Variants in EXT2 observed in about 807,000 individuals in gnomAD.
EXT2 encodes the protein exostosin glycosyltransferase 2, also known as exostosin-2.
EXT2 carries 53 observed loss-of-function variants against 81.6 expected under a neutral mutation model. That is an observed-to-expected ratio of 0.65 (90% CI 0.52 to 0.82). The LOEUF is 0.82. EXT2 is among the 40% of genes least tolerant of loss of function. The pLI is 0.00. For synonymous variants in EXT2, 320 were observed against 340.0 expected (o/e 0.94, Z 0.65); for missense variants, 774 against 910.2 (o/e 0.85, Z 1.93).
intron 9 of EXT2, among the ~76,000 whole-genome samples, chr11:44,203,969 ACT>A (rs1955551773): frequency 6.6e-6 from 1 of 152,220 alleles, no homozygotes; most frequent in South Asian, 2.1e-4. Context: ...TAAGTGGCAC[ACT>A]TAGTTTCTTT....
chr11:44,232,255 T>G, intron 10 of EXT2, 98 bp from the exon 11 acceptor site: 1 of 1,509,686 alleles, frequency 6.6e-7, no homozygotes, highest in South Asian at 1.1e-5. Context: ...TATGATGGTT[T>G]GAACCTAGGA....
intron 4 of EXT2, among the ~76,000 whole-genome samples, chr11:44,115,609 A>T (rs979844797): frequency 2.6e-5 from 4 of 152,228 alleles, no homozygotes; most frequent in African/African-American, 4.8e-5. Flanking sequence ...ATAAATTTTG[A>T]CACTAAAAAT....
intron 11 of EXT2, among the ~76,000 whole-genome samples, chr11:44,232,917 T>A (rs376105671): frequency 1.0e-3 from 157 of 152,344 alleles, no homozygotes; most frequent in African/African-American, 3.6e-3. Flanking sequence ...GATACCATTA[T>A]CTTAATGTTT....
intron 1 of EXT2, among the ~76,000 whole-genome samples, chr11:44,098,521 C>T (rs987434536): frequency 4.6e-5 from 7 of 151,736 alleles, no homozygotes; most frequent in East Asian, 1.9e-4. Flanking sequence ...GGCAAAACTC[C>T]GTCTCTACTA....
At chr11:44,147,775 C>CTTTTTTT (rs66961451) in intron 7 of EXT2, among the ~76,000 whole-genome samples, 2,412 of 103,282 alleles carry the variant, frequency 0.023, 174 homozygotes, top group African/African-American at 0.091. Context: ...TCCACATTGT[C>CTTTTTTT]TTTTTTTTTT....
chr11:44,150,231 G>A (rs1488631713), intron 7 of EXT2, among the ~76,000 whole-genome samples: 1 of 152,192 alleles, frequency 6.6e-6, no homozygotes, highest in Non-Finnish European at 1.5e-5. Flanking sequence ...CCTGAGAAGG[G>A]CGAGAGAGAG....
intron 13 of EXT2, among the ~76,000 whole-genome samples, chr11:44,237,917 A>AC (rs1955987063): frequency 1.4e-5 from 2 of 144,984 alleles, no homozygotes; most frequent in Non-Finnish European, 3.0e-5. Context: ...AAAAAAAAAA[A>AC]AAAAAAAAAA....
intron 1 of EXT2, chr11:44,096,398 G>A (rs1314846288): frequency 2.8e-6 from 4 of 1,422,500 alleles, no homozygotes; most frequent in African/African-American, 1.5e-5. Context: ...CTGGGTGACC[G>A]GGAACTAGAT....
At chr11:44,216,612 A>G (rs1374480933) in intron 10 of EXT2, among the ~76,000 whole-genome samples, 1 of 152,178 alleles carries the variant, frequency 6.6e-6, no homozygotes, top group Admixed American at 6.5e-5. Context: ...GACTTCCAGC[A>G]TGTTTTTCAC....
In EXT2 at chr11:44,107,841, T is replaced by A. The variant is rs1954078988; in HGVS notation, c.129T>A (p.Phe43Leu). 1.2e-6 allele frequency: 2 copies of A among 1,614,042 alleles called. No individual in the cohort carries two copies. The highest frequency in any genetic ancestry group is 1.7e-6 in the Non-Finnish European group (2 of 1,180,040). The change falls in exon 2 of 14, where the codon TTT becomes TTA. Residue 43 changes from phenylalanine to leucine, a missense_variant. Coordinates refer to ENST00000533608, the MANE Select transcript of EXT2 (RefSeq NM_207122.2). Reference protein sequence around the residue: ...VLLGLIATGMFQFWPHSIESS... With the variant: ...VLLGLIATGMLQFWPHSIESS... The stretch of plus-strand genomic sequence containing the variant: ...TGGGCCTCATTGCCACTGGCATGTT[T>A]CAGTTTTGGCCCCATTCTATCGAGT...
At chr11:44,106,857 G>C (rs1295167870) in intron 1 of EXT2, among the ~76,000 whole-genome samples, 1 of 152,190 alleles carries the variant, frequency 6.6e-6, no homozygotes, top group African/African-American at 2.4e-5. Flanking sequence ...TTGAATTCCT[G>C]ACCTCAGGTG....
chr11:44,122,846 C>T (rs1954338688), intron 4 of EXT2, among the ~76,000 whole-genome samples: 1 of 152,202 alleles, frequency 6.6e-6, no homozygotes, highest in Admixed American at 6.5e-5. Flanking sequence ...TATTTGAGCA[C>T]TGGAAATGGG....
chr11:44,190,048 C>T (rs768714731), intron 8 of EXT2, among the ~76,000 whole-genome samples: 35 of 152,174 alleles, frequency 2.3e-4, no homozygotes, highest in Non-Finnish European at 4.7e-4. Flanking sequence ...GGACAAGGGA[C>T]ACCACCCTTA....
chr11:44,134,400 T>C (rs1303599756), intron 7 of EXT2, among the ~76,000 whole-genome samples: 2 of 152,172 alleles, frequency 1.3e-5, no homozygotes, highest in East Asian at 3.9e-4. Flanking sequence ...GATGCCGATA[T>C]TTCTAGGTAC....
At chr11:44,100,934 A>T (rs1271249008) in intron 1 of EXT2, among the ~76,000 whole-genome samples, 3 of 152,148 alleles carry the variant, frequency 2.0e-5, no homozygotes, top group African/African-American at 7.2e-5. Flanking sequence ...TTGCCTGGAC[A>T]CTGTGCAGAG....
At chr11:44,213,580 T>C (rs1202270264) in intron 10 of EXT2, among the ~76,000 whole-genome samples, 1 of 152,108 alleles carries the variant, frequency 6.6e-6, no homozygotes, top group Non-Finnish European at 1.5e-5. Flanking sequence ...TTACAATACC[T>C]AAAATTGAAA....
chr11:44,201,768 T>G (rs1029686810), intron 9 of EXT2, among the ~76,000 whole-genome samples: 1 of 152,218 alleles, frequency 6.6e-6, no homozygotes, highest in Non-Finnish European at 1.5e-5. Flanking sequence ...CTTTCCTACC[T>G]CATTCTCCCT....
intron 8 of EXT2, among the ~76,000 whole-genome samples, chr11:44,186,656 C>G (rs1417656379): frequency 2.6e-5 from 4 of 152,166 alleles, no homozygotes; most frequent in African/African-American, 9.7e-5. Flanking sequence ...AAGAGGCATT[C>G]AAATGGGTTT....
intron 7 of EXT2, among the ~76,000 whole-genome samples, chr11:44,146,657 G>A (rs750827703): frequency 6.6e-6 from 1 of 152,154 alleles, no homozygotes; most frequent in Non-Finnish European, 1.5e-5. Flanking sequence ...TTCTACTCAT[G>A]GTTCCCTAAT....
Sources: allele counts gnomAD v4.1 joint callset (sites outside exome capture counted in the v4.1 genomes callset), GRCh38; gene constraint gnomAD v4.1.1; transcripts MANE v1.5; gene names NCBI Gene and HGNC (gene_info 2026-07-23, HGNC 2026-07-21).